GPHN: variants seen among roughly 807,000 people sequenced by gnomAD.
GPHN encodes gephyrin.
In GPHN, 17 loss-of-function variants were observed where a neutral mutation model predicts 95.5. The observed-to-expected ratio is 0.18, with a 90% CI of 0.12 to 0.27. The LOEUF (loss-of-function observed/expected upper bound fraction) is 0.27. Among genes scored for constraint, GPHN ranks in the 10% least tolerant of loss-of-function variants. GPHN has a pLI of 1.00. For synonymous variants in GPHN, 320 were observed against 322.5 expected (o/e 0.99, Z 0.08); for missense variants, 660 against 978.1 (o/e 0.67, Z 4.34).
chr14:66,747,037 T>G (rs1040392753), intron 2 of GPHN, among the ~76,000 whole-genome samples: 3 of 152,156 alleles, frequency 2.0e-5, no homozygotes, highest in African/African-American at 7.2e-5. Context: ...TTCAGAAAAT[T>G]TCTCCTGGAC....
intron 10 of GPHN, among the ~76,000 whole-genome samples, chr14:67,047,334 T>TTGTGTGTGTGTGTG (rs778266656): frequency 9.8e-4 from 108 of 109,702 alleles, no homozygotes; most frequent in African/African-American, 3.7e-3. Flanking sequence ...GTGTGTGTGT[T>TTGTGTGTGTGTGTG]TGTGTGTGTG....
intron 1 of GPHN, among the ~76,000 whole-genome samples, chr14:66,508,817 A>C (rs1476937040): frequency 6.6e-6 from 1 of 152,074 alleles, no homozygotes; most frequent in South Asian, 2.1e-4. Flanking sequence ...GTGGGATGTT[A>C]GGCCCCAGCG....
At chr14:67,483,545 C>T in the GPHN span, among the ~76,000 whole-genome samples, 4 of 152,222 alleles carry the variant, frequency 2.6e-5, no homozygotes, top group African/African-American at 7.2e-5. Context: ...CATTAACAAA[C>T]TTCCCAACTG....
chr14:66,560,137 C>T (rs1481301626), intron 1 of GPHN, among the ~76,000 whole-genome samples: 1 of 152,046 alleles, frequency 6.6e-6, no homozygotes, highest in African/African-American at 2.4e-5. Flanking sequence ...GTTTTGGTTA[C>T]TGTAGCCTTG....
At chr14:67,545,936 C>T in the GPHN span, among the ~76,000 whole-genome samples, 33 of 150,744 alleles carry the variant, frequency 2.2e-4, no homozygotes, top group South Asian at 6.5e-3. Flanking sequence ...TGAACAAAAG[C>T]TCTGCTGCTA....
intron 8 of GPHN, among the ~76,000 whole-genome samples, chr14:66,942,716 C>T (rs954731802): frequency 1.3e-4 from 20 of 152,140 alleles, no homozygotes; most frequent in African/African-American, 4.1e-4. Flanking sequence ...GATTAAACAC[C>T]GTTTGGCAAT....
the GPHN span, chr14:67,312,470 C>A: frequency 8.1e-7 from 1 of 1,236,942 alleles, no homozygotes; most frequent in South Asian, 2.2e-5. Flanking sequence ...AAATTGTATT[C>A]ATATGAAACA....
At chr14:66,930,463 A>G (rs976591222) in intron 8 of GPHN, among the ~76,000 whole-genome samples, 1 of 151,146 alleles carries the variant, frequency 6.6e-6, no homozygotes, top group East Asian at 2.0e-4. Context: ...TCATCCCCCC[A>G]GTTTTAAACA....
intron 1 of GPHN, among the ~76,000 whole-genome samples, chr14:66,609,169 C>T (rs2140919393): frequency 6.6e-6 from 1 of 152,226 alleles, no homozygotes; most frequent in East Asian, 1.9e-4. Context: ...TTTTATAAGG[C>T]TGGTCTAGTG....
chr14:67,320,751 T>C, the GPHN span, among the ~76,000 whole-genome samples: 1 of 152,174 alleles, frequency 6.6e-6, no homozygotes, highest in Admixed American at 6.5e-5. Flanking sequence ...CCTAATCTTA[T>C]GGAGATAAAC....
chr14:67,162,943 T>C (rs2082052483), intron 19 of GPHN, among the ~76,000 whole-genome samples: 1 of 152,202 alleles, frequency 6.6e-6, no homozygotes, highest in African/African-American at 2.4e-5. Flanking sequence ...GGATTCTAAT[T>C]GTTACCTTAT....
chr14:66,752,949 AAGAG>A (rs1433473973), intron 2 of GPHN, among the ~76,000 whole-genome samples: 40 of 149,602 alleles, frequency 2.7e-4, no homozygotes, highest in African/African-American at 9.5e-4. Context: ...AAAAAAAAAA[AAGAG>A]AAGAGAGATT....
the GPHN span, chr14:67,412,161 G>A: frequency 9.6e-7 from 1 of 1,038,834 alleles, no homozygotes; most frequent in South Asian, 2.2e-5. Flanking sequence ...CGGCGCCCAG[G>A]AAGCAGCTCC....
At chr14:66,564,461 C>T (rs1343503355) in intron 1 of GPHN, among the ~76,000 whole-genome samples, 1 of 152,076 alleles carries the variant, frequency 6.6e-6, no homozygotes, top group East Asian at 1.9e-4. Flanking sequence ...CTAAAACTTG[C>T]TTTAAAAAAT....
intron 18 of GPHN, 30 bp downstream of exon 18, chr14:67,143,479 T>C (rs2080622142): frequency 7.9e-7 from 1 of 1,273,462 alleles, no homozygotes; most frequent in East Asian, 2.3e-5. Context: ...TGAAAATGTA[T>C]CTGCTGTAAT....
At chr14:67,493,743 G>A in the GPHN span, among the ~76,000 whole-genome samples, 7 of 152,210 alleles carry the variant, frequency 4.6e-5, no homozygotes, top group Non-Finnish European at 8.8e-5. Flanking sequence ...AGCCAATCCT[G>A]AGATTCTTGT....
In GPHN at chr14:66,581,825, A is replaced by G. The variant is rs1257053709; in HGVS notation, c.64+73234A>G. ...AAAGGTCATATAATGTAAAGGGGTC[A>G]ATTTATGAAGAAGATATAACAATTG... On this transcript the variant is annotated intron_variant, in intron 1 of 22. Coordinates refer to ENST00000478722, the MANE Select transcript of GPHN (RefSeq NM_020806.5). Among the ~76,000 whole-genome samples, 4 of 152,164 alleles carry G rather than the reference A, an allele frequency of 2.6e-5. No homozygotes were observed. The South Asian group carries it at 6.2e-4, about 24-fold the overall frequency.
the GPHN span, chr14:67,726,964 G>A: frequency 2.5e-6 from 4 of 1,609,516 alleles, no homozygotes; most frequent in African/African-American, 1.3e-5. Flanking sequence ...AATCTTCCCT[G>A]CTGGCTCTCC....
chr14:67,683,424 T>C, the GPHN span, among the ~76,000 whole-genome samples: 4 of 152,324 alleles, frequency 2.6e-5, no homozygotes, highest in African/African-American at 9.6e-5. Context: ...CTTGCATGCC[T>C]TATAGATAAC....
Sources: gnomAD v4.1 joint callset for allele counts (sites outside exome capture counted in the v4.1 genomes callset) on GRCh38, gnomAD v4.1.1 for gene constraint, MANE v1.5 for transcripts, NCBI Gene and HGNC (gene_info 2026-07-23, HGNC 2026-07-21) for gene names.